The following MRPS6 variants were observed in gnomAD, a reference collection of about 807,000 sequenced individuals.
MRPS6 encodes small ribosomal subunit protein bS6m.
A neutral mutation model predicts 13.1 loss-of-function variants in MRPS6; 6 were observed. The observed-to-expected ratio is 0.46, with a 90% CI of 0.25 to 0.91. The LOEUF is 0.91. Among genes scored for constraint, MRPS6 ranks in the 40% least tolerant of loss-of-function variants. The pLI is 0.18. For missense variants in MRPS6, 164 were observed against 155.6 expected, an observed-to-expected ratio of 1.05 and a Z score of -0.29; for synonymous variants, 61 against 56.5, an observed-to-expected ratio of 1.08 and a Z score of -0.36.
intron 2 of MRPS6, among the ~76,000 whole-genome samples, chr21:34,129,709 T>A (rs1401701862): frequency 6.6e-6 from 1 of 152,184 alleles, no homozygotes; most frequent in African/African-American, 2.4e-5. Context: ...GATTCTCCTC[T>A]GTAGTTTTCC....
Position 34,101,156 on chromosome 21 carries a change from A to G in MRPS6, c.46-24185A>G, listed in dbSNP as rs1165582395. 5 of 1,000,044 alleles carry G rather than the reference A, an allele frequency of 5.0e-6. No homozygotes were observed. In the East Asian group the frequency reaches 5.7e-4, roughly 113 times the overall value. The allele number at this position is 1,000,044 out of a possible 1,614,324, so 61.9% of individuals were successfully genotyped here. On this transcript the variant is annotated intron_variant, in intron 1 of 2. Coordinates refer to ENST00000399312, the MANE Select transcript of MRPS6 (RefSeq NM_032476.4). ...AGAAAAATGATTAAGTGAGATAAGT[A>G]CCTGGGTGACACAGATATTAGCCCG...
intron 1 of MRPS6, among the ~76,000 whole-genome samples, chr21:34,093,030 T>C (rs1475152041): frequency 1.3e-5 from 2 of 152,212 alleles, no homozygotes; most frequent in Non-Finnish European, 2.9e-5. Flanking sequence ...GCTTCCCTTA[T>C]GCAGAAACAT....
Position 34,097,488 on chromosome 21 carries a change from C to G in MRPS6, c.45+23743C>G, listed in dbSNP as rs185884882. The stretch of plus-strand genomic sequence containing the variant: ...AGCCAAATTTTACTTAGCAGAAAAT[C>G]ATCTAATTACAAGACTTTATTTTCC... On this transcript the variant is annotated intron_variant, in intron 1 of 2. Transcript: ENST00000399312. 2.6e-5 allele frequency: 37 copies of G among 1,432,694 alleles called. No homozygotes were observed. The African/African-American group carries it at 4.2e-4, about 16-fold the overall frequency. The allele number at this position is 1,432,694 out of a possible 1,614,324, so 88.7% of individuals were successfully genotyped here. A position where few individuals can be genotyped will look rare whatever the true frequency, so the allele number is the denominator to read the frequency against.
intron 1 of MRPS6, among the ~76,000 whole-genome samples, chr21:34,093,117 A>G (rs1978789819): frequency 6.6e-6 from 1 of 152,232 alleles, no homozygotes; most frequent in African/African-American, 2.4e-5. Context: ...TTCGTCCTAC[A>G]TAATGTCAAA....
intron 2 of MRPS6, among the ~76,000 whole-genome samples, chr21:34,125,829 T>C (rs878901892): frequency 1.3e-5 from 2 of 152,246 alleles, no homozygotes; most frequent in Admixed American, 1.3e-4. Flanking sequence ...ACATAGTGTA[T>C]CAGTTTTAAA....
Position 34,125,465 on chromosome 21 carries a change from A to G in MRPS6, c.170A>G (p.Gln57Arg). ...TATAGGATCTCTGCCCACAGTCAGC[A>G]GCACAACAGAGGCGGGTAAGTTTCT... ...LPYRISAHSQ[Q>R]HNRGGYFLVD... The change falls in exon 2 of 3, where the codon CAG becomes CGG. Residue 57 changes from glutamine (Q) to arginine (R), a missense_variant. Gln to Arg is a conservative substitution (Grantham distance 43). Transcript: ENST00000399312. 1 of 1,613,882 alleles carries G rather than the reference A, an allele frequency of 6.2e-7. No homozygotes were observed.
chr21:34,078,804 A>G (rs1323514793), intron 1 of MRPS6, among the ~76,000 whole-genome samples: 2 of 152,252 alleles, frequency 1.3e-5, no homozygotes, highest in Non-Finnish European at 2.9e-5. Flanking sequence ...TACTCATGTT[A>G]TAAAAAGTTG....
intron 1 of MRPS6, among the ~76,000 whole-genome samples, chr21:34,090,947 G>C (rs8132572): frequency 0.024 from 3,667 of 152,344 alleles, 158 homozygotes; most frequent in African/African-American, 0.082. Context: ...TCTGTCTGTT[G>C]GGGTGGGGAG....
At chr21:34,098,906 A>G in intron 1 of MRPS6, 1 of 996,318 alleles carries the variant, frequency 1.0e-6, no homozygotes, top group Non-Finnish European at 1.2e-6. Context: ...AATCTCTGAT[A>G]CTTTTTAGAT....
chr21:34,105,992 T>TA, intron 1 of MRPS6: 1 of 995,248 alleles, frequency 1.0e-6, no homozygotes, highest in Non-Finnish European at 1.2e-6. Context: ...TTGAAAGTGT[T>TA]ATTGTTTAAA....
intron 2 of MRPS6, among the ~76,000 whole-genome samples, chr21:34,133,348 C>G (rs775600404): frequency 6.6e-6 from 1 of 152,108 alleles, no homozygotes; most frequent in African/African-American, 2.4e-5. Flanking sequence ...AGAACACTTT[C>G]AGGAGGGCTG....
At chr21:34,131,484 C>T (rs1471780493) in intron 2 of MRPS6, among the ~76,000 whole-genome samples, 1 of 152,168 alleles carries the variant, frequency 6.6e-6, no homozygotes, top group East Asian at 1.9e-4. Flanking sequence ...AGAATGGTTT[C>T]TCCATGGCAA....
chr21:34,117,078 A>T (rs1426933237), intron 1 of MRPS6, among the ~76,000 whole-genome samples: 1 of 152,214 alleles, frequency 6.6e-6, no homozygotes, highest in East Asian at 1.9e-4. Flanking sequence ...TACACATTTT[A>T]AATTAATATA....
chr21:34,130,147 G>A (rs777264010), intron 2 of MRPS6, among the ~76,000 whole-genome samples: 25 of 152,104 alleles, frequency 1.6e-4, no homozygotes, highest in Non-Finnish European at 3.2e-4. Flanking sequence ...GAGCCACTGA[G>A]TGCTTCAGTG....
chr21:34,131,142 C>G (rs1342544504), intron 2 of MRPS6, among the ~76,000 whole-genome samples: 4 of 152,204 alleles, frequency 2.6e-5, no homozygotes, highest in Non-Finnish European at 1.5e-5. Flanking sequence ...AAATGGAAAA[C>G]TAGCTATTTG....
intron 1 of MRPS6, chr21:34,099,358 G>A: frequency 2.0e-6 from 2 of 1,000,250 alleles, no homozygotes; most frequent in Non-Finnish European, 2.4e-6. Context: ...GGTTTGTTCA[G>A]ATGTGTCTGG....
chr21:34,125,034 C>T (rs556078260), intron 1 of MRPS6: 7 of 234,310 alleles, frequency 3.0e-5, no homozygotes, highest in African/African-American at 1.1e-4. Flanking sequence ...TCAGCCTGGC[C>T]GAGGTGCTCT....
intron 1 of MRPS6, chr21:34,099,149 A>G (rs1979113487): frequency 1.0e-6 from 1 of 999,284 alleles, no homozygotes; most frequent in African/African-American, 1.7e-5. Context: ...TAATTTATGT[A>G]TGAATAGCAT....
chr21:34,110,681 G>A (rs932312826), intron 1 of MRPS6, among the ~76,000 whole-genome samples: 7 of 152,110 alleles, frequency 4.6e-5, no homozygotes, highest in African/African-American at 1.4e-4. Context: ...CTGAATCGTT[G>A]CCCCTTGCGT....
Sources: gnomAD v4.1 joint callset for allele counts (sites outside exome capture counted in the v4.1 genomes callset) on GRCh38, gnomAD v4.1.1 for gene constraint, MANE v1.5 for transcripts, NCBI Gene and HGNC (gene_info 2026-07-23, HGNC 2026-07-21) for gene names.